The following SMAD6 variants were observed in gnomAD, a reference collection of about 807,000 sequenced individuals.
SMAD6 encodes MAD homolog 6.
A neutral mutation model predicts 39.4 loss-of-function variants in SMAD6; 103 were observed. The ratio of observed to expected loss-of-function variants is 2.62; its 90% confidence interval spans 2.23 to 3.08. The LOEUF (loss-of-function observed/expected upper bound fraction) is 3.08. Ranked by LOEUF, SMAD6 falls within the 30% of genes most tolerant of loss-of-function variation. The pLI, the probability that SMAD6 is intolerant of heterozygous loss-of-function variation, is 0.00. For missense variants in SMAD6, 1,104 were observed against 742.9 expected (o/e 1.49, Z -5.65); for synonymous variants, 445 against 353.3 (o/e 1.26, Z -2.91).
chr15:66,717,242 A>AGTCC, intron 3 of SMAD6: 3 of 751,520 alleles, frequency 4.0e-6, no homozygotes, highest in Non-Finnish European at 4.0e-6. Flanking sequence ...GCTGGCTGGG[A>AGTCC]CTGACAGCCC....
chr15:66,743,021 G>A (rs1013411318), intron 3 of SMAD6, among the ~76,000 whole-genome samples: 4 of 152,108 alleles, frequency 2.6e-5, no homozygotes. Flanking sequence ...CCCTCTGTGG[G>A]CCTCAGTTTC....
intron 3 of SMAD6, among the ~76,000 whole-genome samples, chr15:66,718,782 T>C (rs556303207): frequency 6.6e-6 from 1 of 152,056 alleles, no homozygotes; most frequent in East Asian, 1.9e-4. Flanking sequence ...GCTGTCACAC[T>C]GGAGGACATA....
chr15:66,770,812 G>T (rs1236291200), intron 3 of SMAD6, among the ~76,000 whole-genome samples: 1 of 152,162 alleles, frequency 6.6e-6, no homozygotes, highest in Non-Finnish European at 1.5e-5. Context: ...GGGCCTGAGG[G>T]GGTTCCCTGC....
chr15:66,750,654 TAGG>T (rs1893988421), intron 3 of SMAD6, among the ~76,000 whole-genome samples: 1 of 152,034 alleles, frequency 6.6e-6, no homozygotes, highest in Non-Finnish European at 1.5e-5. Context: ...AAACAGCAGT[TAGG>T]AGAGTGCTGG....
chr15:66,754,026 A>G (rs567623592), intron 3 of SMAD6, among the ~76,000 whole-genome samples: 88 of 152,372 alleles, frequency 5.8e-4, no homozygotes, highest in Non-Finnish European at 9.6e-4. Context: ...TTGTAAAAGT[A>G]AAAATCCCAT....
At chr15:66,727,551 A>T (rs1426510178) in intron 3 of SMAD6, among the ~76,000 whole-genome samples, 2 of 152,178 alleles carry the variant, frequency 1.3e-5, no homozygotes, top group African/African-American at 4.8e-5. Flanking sequence ...AGGCAGGAAG[A>T]TGTGAGGACA....
intron 3 of SMAD6, chr15:66,717,366 G>A (rs1029979794): frequency 2.2e-5 from 10 of 456,178 alleles, no homozygotes; most frequent in African/African-American, 2.0e-4. Context: ...CAAAATCATA[G>A]CCATTTATTG....
rs1417062565 is a variant in SMAD6 at position 66,782,220 on chromosome 15, G to T, written c.*685G>T. 2 of 186,178 alleles carry T rather than the reference G, an allele frequency of 1.1e-5. No homozygotes were observed. The highest frequency in any genetic ancestry group is 1.5e-4 in the African/African-American group (2 of 13,704). The allele number at this position is 186,178 out of a possible 1,614,324, so 11.5% of individuals were successfully genotyped here. A position where few individuals can be genotyped will look rare whatever the true frequency, so the allele number is the denominator to read the frequency against. Reference sequence around the variant, plus strand: ...ATGGGGTGTCCAGTGGATAGGGATGGCGGTGGGGAAAAGAATACACTGGCC... The same window carrying T: ...ATGGGGTGTCCAGTGGATAGGGATGTCGGTGGGGAAAAGAATACACTGGCC... On this transcript the variant is annotated 3_prime_UTR_variant, in exon 4 of 4. Coordinates refer to ENST00000288840, the MANE Select transcript of SMAD6 (RefSeq NM_005585.5).
intron 3 of SMAD6, among the ~76,000 whole-genome samples, chr15:66,774,601 G>A (rs998588254): frequency 6.6e-6 from 1 of 152,130 alleles, no homozygotes; most frequent in Admixed American, 6.5e-5. Context: ...TGCTGGGGCC[G>A]CTCTAGGACA....
chr15:66,728,955 A>G (rs1480731397), intron 3 of SMAD6, among the ~76,000 whole-genome samples: 1 of 152,122 alleles, frequency 6.6e-6, no homozygotes, highest in Non-Finnish European at 1.5e-5. Context: ...TGAGCTCTAC[A>G]TTATATGTGT....
chr15:66,713,812 G>A (rs1477573869), intron 2 of SMAD6, among the ~76,000 whole-genome samples: 1 of 152,220 alleles, frequency 6.6e-6, no homozygotes, highest in Non-Finnish European at 1.5e-5. Context: ...CCACCCTATT[G>A]TTGTTCCAGA....
chr15:66,737,260 C>T (rs1308383184), intron 3 of SMAD6, among the ~76,000 whole-genome samples: 1 of 152,202 alleles, frequency 6.6e-6, no homozygotes, highest in East Asian at 1.9e-4. Context: ...CTTGGAATGC[C>T]CTGCCAGGCT....
rs897558711 is a variant in SMAD6 at position 66,759,300 on chromosome 15, G to A, written c.953-21697G>A. Among the ~76,000 whole-genome samples the A allele has an allele frequency of 2.0e-5, 3 of 152,136 alleles. No individual in the cohort carries two copies. In the East Asian group the frequency reaches 5.8e-4, roughly 29 times the overall value. ...CAGAAAAGTGGGGCTTTATAATCAT[G>A]CTTTCAGAAGTGCACAGACCTACTG... On this transcript the variant is annotated intron_variant, in intron 3 of 3. Coordinates refer to ENST00000288840, the MANE Select transcript of SMAD6 (RefSeq NM_005585.5).
intron 3 of SMAD6, among the ~76,000 whole-genome samples, chr15:66,728,019 A>G (rs1893553758): frequency 6.6e-6 from 1 of 152,012 alleles, no homozygotes; most frequent in Non-Finnish European, 1.5e-5. Context: ...ACGCCCAGCT[A>G]ATTTTGTATT....
chr15:66,721,157 G>C (rs1893424505), intron 3 of SMAD6, among the ~76,000 whole-genome samples: 1 of 152,104 alleles, frequency 6.6e-6, no homozygotes, highest in Admixed American at 6.5e-5. Context: ...CTGGCTCAGA[G>C]CCATACAGCA....
At chr15:66,709,923 C>A (rs773345163) in intron 1 of SMAD6, among the ~76,000 whole-genome samples, 1 of 152,250 alleles carries the variant, frequency 6.6e-6, no homozygotes, top group Non-Finnish European at 1.5e-5. Context: ...TTCTGCACAT[C>A]TTTGGCCACA....
chr15:66,712,019 T>C (rs913728610), intron 2 of SMAD6, among the ~76,000 whole-genome samples: 11 of 152,382 alleles, frequency 7.2e-5, no homozygotes, highest in East Asian at 1.9e-4. Flanking sequence ...TTTTGACTTA[T>C]GCATCTCACC....
At chr15:66,719,587 G>A (rs1413317620) in intron 3 of SMAD6, among the ~76,000 whole-genome samples, 2 of 152,180 alleles carry the variant, frequency 1.3e-5, no homozygotes, top group African/African-American at 4.8e-5. Context: ...AGTTTGTCTC[G>A]CACAATGACA....
At position 66,781,112 on chromosome 15, in the gene SMAD6, CTT is replaced by C; in HGVS notation, c.1069_1070del (p.Phe357LeufsTer207). On this transcript the variant is annotated frameshift_variant, in exon 4 of 4. Coordinates refer to ENST00000288840, the MANE Select transcript of SMAD6 (RefSeq NM_005585.5). LOFTEE classifies it high-confidence loss of function. Reference protein sequence around the residue: ...YAVYDQAVSIFYDLPQGSGFC... With the variant: ...YAVYDQAVSIXYDLPQGSGFC... ...CGGTGTACGACCAGGCCGTCAGCAT[CTT>C]CTACGACCTACCTCAGGGCAGCGGC... 1 of 1,608,946 alleles carries C rather than the reference CTT, an allele frequency of 6.2e-7. No homozygotes were observed. Among genetic ancestry groups the C allele is most frequent in the Non-Finnish European group, 8.5e-7 (1 of 1,179,698 alleles).
Sources: allele counts gnomAD v4.1 joint callset (sites outside exome capture counted in the v4.1 genomes callset), GRCh38; gene constraint gnomAD v4.1.1; transcripts MANE v1.5; gene names NCBI Gene and HGNC (gene_info 2026-07-23, HGNC 2026-07-21).